The following OTULIN variants were observed in gnomAD, a reference collection of about 807,000 sequenced individuals.
The protein encoded by OTULIN is OTU deubiquitinase with linear linkage specificity, also known as ubiquitin thioesterase otulin.
Under a neutral mutation model 39.6 loss-of-function variants are expected in OTULIN, and 15 were observed. The ratio of observed to expected loss-of-function variants is 0.38; its 90% confidence interval spans 0.25 to 0.58. The LOEUF (loss-of-function observed/expected upper bound fraction) is 0.58, where lower values mean the gene tolerates loss of function less well. Among genes scored for constraint, OTULIN ranks in the 20% least tolerant of loss-of-function variants. OTULIN has a pLI of 0.66. For missense variants in OTULIN, 319 were observed against 445.9 expected (o/e 0.72, Z 2.56); for synonymous variants, 156 against 170.3 (o/e 0.92, Z 0.65).
Position 14,693,238 on chromosome 5 carries a change from A to C in OTULIN, c.*190A>C. On this transcript the variant is annotated 3_prime_UTR_variant, in exon 7 of 7. Transcript: ENST00000284274. ...AGAAATTAACCAAGTCTTTCCCCTC[A>C]TCTATGATGCAATATATTTCAGTGG... 1.8e-6 allele frequency: 1 copy of C among 562,984 alleles called. No individual in the cohort carries two copies. The allele number at this position is 562,984 out of a possible 1,614,324, so 34.9% of individuals were successfully genotyped here.
downstream of OTULIN, among the ~76,000 whole-genome samples, chr5:14,704,179 A>C (rs1736871186): frequency 6.6e-6 from 1 of 151,716 alleles, no homozygotes; most frequent in African/African-American, 2.4e-5. Context: ...AACATACAAA[A>C]ATTAGCTGGG....
intron 5 of OTULIN, among the ~76,000 whole-genome samples, chr5:14,688,656 T>C (rs1736447481): frequency 6.6e-6 from 1 of 152,220 alleles, no homozygotes; most frequent in African/African-American, 2.4e-5. Flanking sequence ...GTTTTATCTT[T>C]CTTTTACTAT....
downstream of OTULIN, among the ~76,000 whole-genome samples, chr5:14,703,350 A>G (rs971869186): frequency 5.7e-5 from 7 of 121,818 alleles, no homozygotes; most frequent in African/African-American, 2.4e-4. Context: ...AAAAAAAAAA[A>G]AAAAAAAAAA....
At chr5:14,678,819 TA>T (rs780250514) in intron 3 of OTULIN, 44 bp downstream of exon 3, 100 of 1,306,050 alleles carry the variant, frequency 7.7e-5, no homozygotes, top group Non-Finnish European at 1.0e-4. Flanking sequence ...TCAAATAGTC[TA>T]TCATAAGTTG....
At chr5:14,713,439 C>A in the OTULIN span, 1 of 1,486,088 alleles carries the variant, frequency 6.7e-7, no homozygotes, top group South Asian at 1.2e-5. This position sits in a 1 kb window ranked among gnomAD's most constrained non-coding sequence, Gnocchi z 4.4. Context: ...ATTTCCGATT[C>A]TAGACGTGCC....
At chr5:14,709,896 C>T in the OTULIN span, 1 of 152,662 alleles carries the variant, frequency 6.6e-6, no homozygotes, top group African/African-American at 2.4e-5. Context: ...ACATATACAG[C>T]ATATATTTAT....
intron 1 of OTULIN, among the ~76,000 whole-genome samples, chr5:14,668,770 A>AT (rs1245785377): frequency 4.6e-5 from 7 of 152,206 alleles, no homozygotes; most frequent in South Asian, 4.1e-4. Flanking sequence ...ATTAGAATTG[A>AT]TTTTTTTTCT....
chr5:14,713,219 G>A, the OTULIN span, among the ~76,000 whole-genome samples: 6 of 152,182 alleles, frequency 3.9e-5, no homozygotes, highest in East Asian at 1.9e-4. This position sits in a 1 kb window ranked among gnomAD's most constrained non-coding sequence, Gnocchi z 4.4. Context: ...TCCCCAGGAC[G>A]CTGGGAGCTC....
intron 1 of OTULIN, among the ~76,000 whole-genome samples, chr5:14,673,052 G>A (rs534906261): frequency 6.6e-6 from 1 of 152,262 alleles, no homozygotes; most frequent in East Asian, 1.9e-4. Context: ...GTCGGTAGTA[G>A]CGGACAGTGG....
chr5:14,709,359 T>TA, the OTULIN span: 1 of 152,348 alleles, frequency 6.6e-6, no homozygotes, highest in East Asian at 1.9e-4. Context: ...GCAAAGCAGC[T>TA]ATGCAACTTA....
At chr5:14,673,566 G>A (rs1333626004) in intron 1 of OTULIN, 76 bp from the exon 2 acceptor site, 5 of 1,285,596 alleles carry the variant, frequency 3.9e-6, no homozygotes, top group East Asian at 2.4e-5. Context: ...TTATGCATTT[G>A]TAAGCAGCTG....
chr5:14,665,114 G>C, intron 1 of OTULIN, 137 bp downstream of exon 1: 1 of 724,072 alleles, frequency 1.4e-6, no homozygotes, highest in Non-Finnish European at 1.7e-6. Context: ...GCGACAAGGA[G>C]GAATTGGCAG....
chr5:14,664,950 G>C lies in OTULIN; in HGVS notation c.125G>C (p.Arg42Pro). The C allele has an allele frequency of 1.8e-6, 2 of 1,115,482 alleles. No individual in the cohort carries two copies. The highest frequency in any genetic ancestry group is 2.2e-6 in the Non-Finnish European group (2 of 914,338). The allele number at this position is 1,115,482 out of a possible 1,614,324, so 69.1% of individuals were successfully genotyped here. Residue 42 changes from arginine (R) to proline (P), a missense_variant, in exon 1 of 7, where the codon CGG (arginine) becomes CCG (proline). By Grantham distance (103) the Arg-to-Pro change is moderately radical. Around this residue, in one of 4 missense-constraint regions of OTULIN, gnomAD observed 132 missense variants for 143.7 expected, o/e 0.92. Transcript: ENST00000284274. ...GGKAAASGQP[R>P]PEMQCPAEHE... ...AAGGCGGCGGCCAGCGGGCAGCCGC[G>C]GCCCGAGATGCAGTGCCCGGCCGAG...
intron 6 of OTULIN, 152 bp from the exon 7 acceptor site, chr5:14,692,702 T>G: frequency 2.3e-6 from 1 of 439,134 alleles, no homozygotes; most frequent in African/African-American, 2.1e-5. Context: ...TTTATTTAAA[T>G]CGAAAAGGAT....
chr5:14,709,124 C>T, the OTULIN span: 1 of 152,204 alleles, frequency 6.6e-6, no homozygotes, highest in African/African-American at 2.4e-5. Flanking sequence ...AAACTCCTGA[C>T]CTTAAGTGAT....
At chr5:14,683,659 T>G (rs993956692) in intron 4 of OTULIN, among the ~76,000 whole-genome samples, 2 of 152,212 alleles carry the variant, frequency 1.3e-5, no homozygotes, top group Non-Finnish European at 2.9e-5. Flanking sequence ...AATCTACAAA[T>G]CTGTATTTCT....
the OTULIN span, chr5:14,713,486 T>G: frequency 6.2e-7 from 1 of 1,608,104 alleles, no homozygotes; most frequent in South Asian, 1.1e-5. This position sits in a 1 kb window ranked among gnomAD's most constrained non-coding sequence, Gnocchi z 4.4. Flanking sequence ...GTTAAACCTC[T>G]GGACACAGTA....
intron 3 of OTULIN, 53 bp downstream of exon 3, chr5:14,678,828 T>C (rs1274183314): frequency 8.5e-7 from 1 of 1,177,986 alleles, no homozygotes; most frequent in Admixed American, 2.3e-5. Flanking sequence ...CTATCATAAG[T>C]TGTTTAATAT....
chr5:14,710,378 A>C, the OTULIN span: 46 of 152,376 alleles, frequency 3.0e-4, no homozygotes, highest in African/African-American at 1.0e-3. Flanking sequence ...GTCATGCGGC[A>C]GGGTCTGGAA....
Sources: allele counts gnomAD v4.1 joint callset (sites outside exome capture counted in the v4.1 genomes callset), GRCh38; gene constraint gnomAD v4.1.1; regional missense constraint gnomAD v4.1.1; non-coding constraint Gnocchi (gnomAD v3.1); transcripts MANE v1.5; gene names NCBI Gene and HGNC (gene_info 2026-07-23, HGNC 2026-07-21).